Variants in CLMN observed in about 807,000 individuals in gnomAD.
CLMN encodes calmin (calponin-like, transmembrane).
A neutral mutation model predicts 92.7 loss-of-function variants in CLMN; 57 were observed. The observed-to-expected ratio is 0.61, with a 90% CI of 0.50 to 0.77. The LOEUF is 0.77. CLMN is among the 30% of genes least tolerant of loss of function. CLMN has a pLI of 0.00. For synonymous variants in CLMN, 466 were observed against 470.6 expected, an observed-to-expected ratio of 0.99 and a Z score of 0.13; for missense variants, 1,158 against 1,237.5, an observed-to-expected ratio of 0.94 and a Z score of 0.96.
At chr14:95,319,076 G>A (rs1382272634) in intron 1 of CLMN, among the ~76,000 whole-genome samples, 2 of 152,146 alleles carry the variant, frequency 1.3e-5, no homozygotes, top group African/African-American at 4.8e-5. Context: ...TCGGAGTTGG[G>A]GGCCAGCGTG....
chr14:95,196,817 C>T (rs1195418447), intron 9 of CLMN, 123 bp from the exon 10 acceptor site: 10 of 862,116 alleles, frequency 1.2e-5, no homozygotes, highest in Non-Finnish European at 1.8e-5. Context: ...TGCCTGTTCC[C>T]TGATCCTCTT....
intron 1 of CLMN, among the ~76,000 whole-genome samples, chr14:95,268,432 A>G (rs189211877): frequency 1.3e-5 from 2 of 152,110 alleles, no homozygotes; most frequent in Non-Finnish European, 2.9e-5. Flanking sequence ...TCTTACTGAT[A>G]CAACATTCTT....
intron 1 of CLMN, among the ~76,000 whole-genome samples, chr14:95,245,237 AT>A (rs1231221828): frequency 0.031 from 960 of 31,184 alleles, 94 homozygotes; most frequent in African/African-American, 0.13. Flanking sequence ...ATATATATAT[AT>A]TATATATATA....
intron 4 of CLMN, among the ~76,000 whole-genome samples, chr14:95,218,192 A>G (rs574858156): frequency 1.3e-4 from 20 of 152,224 alleles, no homozygotes; most frequent in Non-Finnish European, 2.6e-4. Flanking sequence ...ACACCTAGTT[A>G]TCACATGTAG....
chr14:95,213,603 T>A (rs1008965129), intron 5 of CLMN, among the ~76,000 whole-genome samples, 194 bp from the exon 6 acceptor site: 2 of 152,138 alleles, frequency 1.3e-5, no homozygotes, highest in African/African-American at 4.8e-5. Flanking sequence ...GTCCGTTTCT[T>A]GTGGCTTGTG....
At chr14:95,200,682 G>A (rs996015197) in intron 9 of CLMN, among the ~76,000 whole-genome samples, 5 of 152,208 alleles carry the variant, frequency 3.3e-5, no homozygotes, top group Non-Finnish European at 5.9e-5. Context: ...GAGCTACTGG[G>A]CCAGATGAAG....
intron 8 of CLMN, among the ~76,000 whole-genome samples, chr14:95,205,482 A>T (rs933693985): frequency 6.6e-6 from 1 of 152,228 alleles, no homozygotes; most frequent in African/African-American, 2.4e-5. Context: ...TCAGATATAA[A>T]GCCTAAAGGA....
chr14:95,191,673 G>A lies in CLMN; in HGVS notation c.2900C>T (p.Ser967Phe), dbSNP rs746090126. The A allele has an allele frequency of 3.7e-6, 6 of 1,613,400 alleles. No homozygotes were observed. The East Asian group carries it at 1.1e-4, about 30-fold the overall frequency. Residue 967 changes from serine to phenylalanine, a missense_variant, in exon 13 of 13, where the codon TCC (serine) becomes TTC (phenylalanine). Transcript: ENST00000298912. The surrounding 1 kb of genome is among the most constrained non-coding windows in gnomAD (Gnocchi z 5.3). The part of the protein sequence containing the change: ...SLGSHSPQSD[S>F]LTQLVQQPDM... ...CGGCTGCTGGACAAGCTGTGTCAGG[G>A]AGTCACTCTGCGGGCTGTGGCTCCC...
At position 95,259,738 on chromosome 14, in the gene CLMN, A is replaced by G. The variant is rs906934164; in HGVS notation, c.83-29605T>C. On this transcript the variant is annotated intron_variant, in intron 1 of 12. Coordinates refer to ENST00000298912, the MANE Select transcript of CLMN (RefSeq NM_024734.4). This position sits in a 1 kb window ranked among gnomAD's most constrained non-coding sequence, Gnocchi z 4.3. ...GTTCACTGAGCACAAAAGTAATGAC[A>G]TGCAAACTCAAAACCATGGCATGCA... Among the ~76,000 whole-genome samples the G allele has an allele frequency of 4.6e-5, 7 of 152,186 alleles. No homozygotes were observed. Among genetic ancestry groups the G allele is most frequent in the Admixed American group, 4.6e-4 (7 of 15,286 alleles).
At chr14:95,238,136 A>G (rs78243588) in intron 1 of CLMN, among the ~76,000 whole-genome samples, 20,688 of 151,910 alleles carry the variant, frequency 0.14, 2,455 homozygotes, top group African/African-American at 0.31. Context: ...TCCAGCCCCA[A>G]CGCTGCCGAC....
chr14:95,185,430 T>C lies in CLMN; in HGVS notation c.*6134A>G, dbSNP rs1272347042. The stretch of plus-strand genomic sequence containing the variant: ...CCAGCCTTCCACCACCCAACCCAGG[T>C]CCTGGACCTTGTCATTAGGGCAGCC... On this transcript the variant is annotated 3_prime_UTR_variant, in exon 13 of 13. Transcript: ENST00000298912. 6.6e-6 allele frequency: 1 copy of C among 152,300 alleles called. No individual in the cohort carries two copies. The highest frequency in any genetic ancestry group is 1.5e-5 in the Non-Finnish European group (1 of 68,234). 9.4% of individuals were successfully genotyped at this position (152,300 alleles called of 1,614,324 possible). A position where few individuals can be genotyped will look rare whatever the true frequency, so the allele number is the denominator to read the frequency against.
chr14:95,228,875 A>G (rs1897794572), intron 2 of CLMN, among the ~76,000 whole-genome samples: 1 of 152,176 alleles, frequency 6.6e-6, no homozygotes, highest in African/African-American at 2.4e-5. Flanking sequence ...AGGTTTCACC[A>G]TGCTGGCCAG....
chr14:95,222,524 T>G (rs989360809), intron 3 of CLMN: 2 of 454,418 alleles, frequency 4.4e-6, no homozygotes, highest in South Asian at 3.1e-5. Context: ...AGTGGAGGCC[T>G]GTTCTTGGCT....
At position 95,191,737 on chromosome 14, in the gene CLMN, A is replaced by G; in HGVS notation, c.2841-5T>C. The stretch of plus-strand genomic sequence containing the variant: ...TCTCCTGAGCTGTTGGCCTTCCTAC[A>G]GAAGAAACACAGAGGAAACGCAGTT... On this transcript the variant is annotated splice_polypyrimidine_tract_variant and splice_region_variant and intron_variant, in intron 12 of 12. Transcript: ENST00000298912. This position sits in a 1 kb window ranked among gnomAD's most constrained non-coding sequence, Gnocchi z 5.3. 6.2e-7 allele frequency: 1 copy of G among 1,602,800 alleles called. No individual in the cohort carries two copies. Among genetic ancestry groups the G allele is most frequent in the South Asian group, 1.1e-5 (1 of 89,876 alleles).
At chr14:95,291,367 C>T (rs749528888) in intron 1 of CLMN, among the ~76,000 whole-genome samples, 1 of 152,192 alleles carries the variant, frequency 6.6e-6, no homozygotes, top group Non-Finnish European at 1.5e-5. Flanking sequence ...CCCTGCAGCT[C>T]CTGCGTCTCG....
intron 7 of CLMN, among the ~76,000 whole-genome samples, chr14:95,210,303 C>T (rs555822916): frequency 6.4e-4 from 98 of 151,938 alleles, no homozygotes; most frequent in South Asian, 6.3e-3. Context: ...CCACCTGCCT[C>T]GGCCTCCCAA....
Position 95,204,080 on chromosome 14 carries a change from C to T in CLMN, c.1269G>A (p.Lys423=). 6.2e-7 allele frequency: 1 copy of T among 1,614,174 alleles called. No individual in the cohort carries two copies. Among genetic ancestry groups the T allele is most frequent in the Non-Finnish European group, 8.5e-7 (1 of 1,180,026 alleles). The change falls in exon 9 of 13, where the codon AAG becomes AAA. Residue 423 remains lysine (K), a synonymous_variant. Transcript: ENST00000298912. ...TGTCAGCCTCAAAGTGAACTGTTTT[C>T]TTGATCGGCAAAGAGTTGGACCTCC... ...ENGRSNSLPI[K]KTVHFEADTY...
At position 95,235,115 on chromosome 14, in the gene CLMN, T is replaced by TCC. The variant is rs572014664; in HGVS notation, c.83-4983_83-4982insGG. ...CCAGAGAAAACTCTCTCTCTTTCTC[T>TCC]CTCTCTCACACACACACACACACAG... On this transcript the variant is annotated intron_variant, in intron 1 of 12. Coordinates refer to ENST00000298912, the MANE Select transcript of CLMN (RefSeq NM_024734.4). Among the ~76,000 whole-genome samples the TCC allele has an allele frequency of 1.6e-3, 245 of 149,804 alleles. 1 individual carries two copies. The highest frequency in any genetic ancestry group is 5.7e-3 in the African/African-American group (225 of 39,580).
chr14:95,242,066 G>A (rs184524646), intron 1 of CLMN, among the ~76,000 whole-genome samples: 2 of 151,834 alleles, frequency 1.3e-5, no homozygotes, highest in Admixed American at 6.6e-5. Context: ...GGTTACAAAC[G>A]CCAGTTCTGC....
Sources: allele counts gnomAD v4.1 joint callset (sites outside exome capture counted in the v4.1 genomes callset), GRCh38; gene constraint gnomAD v4.1.1; non-coding constraint Gnocchi (gnomAD v3.1); transcripts MANE v1.5; gene names NCBI Gene and HGNC (gene_info 2026-07-23, HGNC 2026-07-21).